RBMS3: variants seen among roughly 807,000 people sequenced by gnomAD.
The protein encoded by RBMS3 is RNA-binding motif, single-stranded-interacting protein 3.
Under a neutral mutation model 66.8 loss-of-function variants are expected in RBMS3, and 27 were observed. The ratio of observed to expected loss-of-function variants is 0.40; its 90% CI spans 0.30 to 0.56. RBMS3 has a LOEUF of 0.56. Among genes scored for constraint, RBMS3 ranks in the 20% least tolerant of loss-of-function variants. The pLI, the probability that RBMS3 is intolerant of heterozygous loss-of-function variation, is 0.40. For synonymous variants in RBMS3, 188 were observed against 183.0 expected (o/e 1.03, Z -0.22); for missense variants, 513 against 549.5 (o/e 0.93, Z 0.66).
rs151087786 is a variant in RBMS3 at position 29,499,891 on chromosome 3, C to CT, written c.307+11393dup. 4.7e-3 allele frequency among the ~76,000 whole-genome samples: 708 copies of CT among 152,228 alleles called. 4 individuals are homozygous for CT. Among genetic ancestry groups the CT allele is most frequent in the African/African-American group, 0.016 (661 of 41,544 alleles). On this transcript the variant is annotated intron_variant, in intron 3 of 14. Transcript: ENST00000383767. ...AGGGAAGCAACTGTCAAAAAACACA[C>CT]TGGGCCTTGGGCTTAAGGGTAGTGT...
At chr3:29,825,351 A>G (rs1319614816) in intron 6 of RBMS3, among the ~76,000 whole-genome samples, 3 of 151,870 alleles carry the variant, frequency 2.0e-5, no homozygotes, top group African/African-American at 2.4e-5. Context: ...TTCATTTTTT[A>G]TGTGTTGTAC....
chr3:29,633,774 C>T (rs1435122996), intron 4 of RBMS3, among the ~76,000 whole-genome samples: 2 of 151,780 alleles, frequency 1.3e-5, no homozygotes, highest in African/African-American at 4.8e-5. Flanking sequence ...ATCAAAGATC[C>T]AGCTTTTACT....
intron 1 of RBMS3, among the ~76,000 whole-genome samples, chr3:29,299,495 A>G (rs1480595424): frequency 1.3e-5 from 2 of 151,958 alleles, no homozygotes; most frequent in Non-Finnish European, 2.9e-5. Flanking sequence ...GACTAAAATA[A>G]TATGATTGGC....
In RBMS3 at chr3:29,868,937, TG is replaced by T; in HGVS notation, c.720del (p.Arg241GlyfsTer13). 1 of 1,600,154 alleles carries T rather than the reference TG, an allele frequency of 6.2e-7. No individual in the cohort carries two copies. Among genetic ancestry groups the T allele is most frequent in the Non-Finnish European group, 8.5e-7 (1 of 1,172,374 alleles). On this transcript the variant is annotated frameshift_variant, in exon 7 of 15. Transcript: ENST00000383767. LOFTEE classifies it high-confidence loss of function. ...RQNQSKYTQN[G>X]RPWPREGEAG... ...AGAATCAAAGCAAATATACCCAGAA[TG>T]GGAGGCCTTGGCCCAGGGAAGGAGA...
At chr3:29,889,831 T>C (rs1265111340) in intron 8 of RBMS3, among the ~76,000 whole-genome samples, 2 of 151,646 alleles carry the variant, frequency 1.3e-5, no homozygotes, top group East Asian at 3.9e-4. Flanking sequence ...AGATGACATC[T>C]GCTTGGCTCC....
At chr3:29,496,328 G>A (rs968594538) in intron 3 of RBMS3, among the ~76,000 whole-genome samples, 2 of 151,710 alleles carry the variant, frequency 1.3e-5, no homozygotes, top group Admixed American at 6.6e-5. Context: ...ATCTACTCTA[G>A]TATTAAGTTT....
intron 7 of RBMS3, among the ~76,000 whole-genome samples, chr3:29,872,985 T>C (rs2059528266): frequency 6.6e-6 from 1 of 152,196 alleles, no homozygotes; most frequent in Non-Finnish European, 1.5e-5. Context: ...CATGCTCTTT[T>C]GGTTACTATA....
chr3:29,281,803 A>T, intron 1 of RBMS3, 47 bp downstream of exon 1: 1 of 1,495,592 alleles, frequency 6.7e-7, no homozygotes, highest in Non-Finnish European at 9.2e-7. Flanking sequence ...ATCGTTCTGC[A>T]CTTGGGATGG....
At chr3:29,418,190 T>C (rs1453946131) in intron 1 of RBMS3, among the ~76,000 whole-genome samples, 2 of 152,170 alleles carry the variant, frequency 1.3e-5, no homozygotes, top group African/African-American at 4.8e-5. Context: ...TGGGATGTGA[T>C]AAGAAGTTCA....
chr3:29,294,855 A>G (rs1267698835), intron 1 of RBMS3, among the ~76,000 whole-genome samples: 2 of 151,764 alleles, frequency 1.3e-5, no homozygotes, highest in Admixed American at 1.3e-4. Context: ...ATTTTGGACT[A>G]TAGTCCAGGA....
At chr3:29,549,828 A>G (rs1001893355) in intron 3 of RBMS3, among the ~76,000 whole-genome samples, 1 of 152,174 alleles carries the variant, frequency 6.6e-6, no homozygotes, top group Admixed American at 6.5e-5. Context: ...GACTTAAGGC[A>G]GTAAAATATT....
chr3:29,839,271 G>A (rs2058606081), intron 6 of RBMS3, among the ~76,000 whole-genome samples: 1 of 152,066 alleles, frequency 6.6e-6, no homozygotes, highest in African/African-American at 2.4e-5. Flanking sequence ...AGAATTTCCT[G>A]ACAGCAGTGA....
intron 6 of RBMS3, among the ~76,000 whole-genome samples, chr3:29,856,937 C>T (rs1481548267): frequency 6.6e-6 from 1 of 152,086 alleles, no homozygotes; most frequent in Non-Finnish European, 1.5e-5. Context: ...GTATGTGATT[C>T]AACTTACATG....
intron 3 of RBMS3, among the ~76,000 whole-genome samples, chr3:29,512,010 C>G (rs915933857): frequency 6.6e-6 from 1 of 152,004 alleles, no homozygotes; most frequent in African/African-American, 2.4e-5. Flanking sequence ...TGTTATGGTA[C>G]TAATATTTTT....
rs199713556 is a variant in RBMS3 at position 29,600,465 on chromosome 3, GTGGAGGC to G, written c.399+13261_399+13267del. Among the ~76,000 whole-genome samples, 601 of 152,126 alleles carry G rather than the reference GTGGAGGC, an allele frequency of 4.0e-3. 11 individuals carry two copies. Among genetic ancestry groups the G allele is most frequent in the Admixed American group, 0.033 (505 of 15,224 alleles). On this transcript the variant is annotated intron_variant, in intron 4 of 14. Coordinates refer to ENST00000383767, the MANE Select transcript of RBMS3 (RefSeq NM_001003793.3). ...GGCTTCCCTTTGCTTTCTGTCTTGA[GTGGAGGC>G]AACCTGAGGATCTCACCAGATGCCC...
At chr3:29,618,078 G>A (rs374922760) in intron 4 of RBMS3, among the ~76,000 whole-genome samples, 2 of 152,130 alleles carry the variant, frequency 1.3e-5, no homozygotes, top group African/African-American at 4.8e-5. Context: ...AAATACACTG[G>A]TTGCTTGTTT....
intron 1 of RBMS3, among the ~76,000 whole-genome samples, chr3:29,285,437 C>T (rs1386760299): frequency 6.6e-6 from 1 of 151,976 alleles, no homozygotes; most frequent in Non-Finnish European, 1.5e-5. Context: ...AAAAAGTTAC[C>T]TAAGCACACA....
intron 4 of RBMS3, among the ~76,000 whole-genome samples, chr3:29,664,402 C>T (rs1326351282): frequency 2.6e-5 from 4 of 152,004 alleles, no homozygotes; most frequent in East Asian, 1.9e-4. Flanking sequence ...GCCAGAGAAT[C>T]GCTTGAACCC....
chr3:29,975,848 G>T (rs1044090032), intron 12 of RBMS3, among the ~76,000 whole-genome samples: 13 of 151,804 alleles, frequency 8.6e-5, no homozygotes, highest in African/African-American at 3.1e-4. Flanking sequence ...ATAAATTTTA[G>T]AATGGGCTTG....
Sources: gnomAD v4.1 joint callset for allele counts (sites outside exome capture counted in the v4.1 genomes callset) on GRCh38, gnomAD v4.1.1 for gene constraint, MANE v1.5 for transcripts, NCBI Gene and HGNC (gene_info 2026-07-23, HGNC 2026-07-21) for gene names.